Variants in PTBP1 observed in about 807,000 individuals in gnomAD.
PTBP1 encodes polypyrimidine tract-binding protein 1.
A neutral mutation model predicts 59.8 loss-of-function variants in PTBP1; 8 were observed. The ratio of observed to expected loss-of-function variants is 0.13; its 90% CI spans 0.08 to 0.24. The LOEUF is 0.24. Ranked by LOEUF, PTBP1 falls within the 10% of genes least tolerant of loss-of-function variation. The pLI is 1.00. For synonymous variants in PTBP1, 490 were observed against 320.7 expected (o/e 1.53, Z -5.64); for missense variants, 686 against 767.0 (o/e 0.89, Z 1.25).
chr19:800,645 A>ACTGCTGTCTTTAC (rs2034290640), intron 2 of PTBP1, among the ~76,000 whole-genome samples: 1 of 152,170 alleles, frequency 6.6e-6, no homozygotes, highest in Non-Finnish European at 1.5e-5. Context: ...TCCCAAGTGG[A>ACTGCTGTCTTTAC]CTGCTGTCTT....
intron 2 of PTBP1, among the ~76,000 whole-genome samples, chr19:802,459 G>A (rs1363441378): frequency 2.0e-5 from 3 of 151,506 alleles, no homozygotes; most frequent in African/African-American, 4.9e-5. Flanking sequence ...GGTTGTCTGA[G>A]GGGGGACAGG....
chr19:805,627 G>A (rs1383076454), intron 9 of PTBP1, 58 bp downstream of exon 9: 1 of 1,436,242 alleles, frequency 7.0e-7, no homozygotes, highest in Non-Finnish European at 9.8e-7. Context: ...CACCTTCCCA[G>A]GCAGCTCCGC....
At chr19:804,789 G>GC in intron 6 of PTBP1, 40 bp from the exon 7 acceptor site, 1 of 1,607,982 alleles carries the variant, frequency 6.2e-7, no homozygotes, top group Non-Finnish European at 8.5e-7. Flanking sequence ...GGGCTGGTGG[G>GC]CACCGGGCAG....
At position 811,354 on chromosome 19, in the gene PTBP1, C is replaced by T. The variant is rs2034861234; in HGVS notation, c.*528C>T. The stretch of plus-strand genomic sequence containing the variant: ...CAAGTCACGTGATTCTCCCTTCACC[C>T]CGCCCCCAGGGCCTTCCCTTCTGCC... On this transcript the variant is annotated 3_prime_UTR_variant, in exon 15 of 15. Transcript: ENST00000356948. 6.6e-6 allele frequency: 1 copy of T among 152,438 alleles called. No homozygotes were observed. Among genetic ancestry groups the T allele is most frequent in the African/African-American group, 2.4e-5 (1 of 41,444 alleles). 9.4% of individuals were successfully genotyped at this position (152,438 alleles called of 1,614,324 possible). A position where few individuals can be genotyped will look rare whatever the true frequency, so the allele number is the denominator to read the frequency against.
Position 809,818 on chromosome 19 carries a change from TC to T in PTBP1, c.1464-724del, listed in dbSNP as rs1473447580. On this transcript the variant is annotated intron_variant, in intron 13 of 14. Coordinates refer to ENST00000356948, the MANE Select transcript of PTBP1 (RefSeq NM_002819.5). ...GGGAGGTTGAGGTGGGAGGTTCACT[TC>T]GCGCTCAGGAGGTTGAGGTTGCAGT... is the stretch of plus-strand genomic sequence containing the variant. Among the ~76,000 whole-genome samples, 7 of 152,308 alleles carry T rather than the reference TC, an allele frequency of 4.6e-5. 1 individual carries two copies. In the South Asian group the frequency reaches 1.4e-3, roughly 32 times the overall value.
intron 1 of PTBP1, 37 bp from the exon 2 acceptor site, chr19:799,373 GCCA>G: frequency 6.2e-7 from 1 of 1,606,476 alleles, no homozygotes; most frequent in Non-Finnish European, 8.5e-7. Flanking sequence ...CTGCTGAGTG[GCCA>G]CCAGGCTAAC....
At position 810,743 on chromosome 19, in the gene PTBP1, G is replaced by A; in HGVS notation, c.1591G>A (p.Val531Ile). 2 of 1,607,962 alleles carry A rather than the reference G, an allele frequency of 1.2e-6. No homozygotes were observed. Among genetic ancestry groups the A allele is most frequent in the Non-Finnish European group, 1.7e-6 (2 of 1,178,242 alleles). Reference protein sequence around the residue: ...LIQMGSVEEAVQALIDLHNHD... With the variant: ...LIQMGSVEEAIQALIDLHNHD... ...CCAGATGGGCTCCGTGGAGGAGGCG[G>A]TCCAGGCCCTCATTGACCTGCACAA... is the stretch of plus-strand genomic sequence containing the variant. The change falls in exon 15 of 15, where the codon GTC (valine) becomes ATC (isoleucine). Residue 531 changes from valine (V) to isoleucine (I), a missense_variant. Val to Ile is a conservative substitution (Grantham distance 29). Transcript: ENST00000356948.
In PTBP1 at chr19:799,459, T is replaced by C; in HGVS notation, c.39+16T>C. On this transcript the variant is annotated intron_variant, in intron 2 of 14. Transcript: ENST00000356948. The stretch of plus-strand genomic sequence containing the variant: ...TGGTACAAAGGTAGGCACTTCTCAC[T>C]TTGCTTCTCCGTGACGCTCCTCTGA... 6.2e-7 allele frequency: 1 copy of C among 1,613,424 alleles called. No individual in the cohort carries two copies. The highest frequency in any genetic ancestry group is 8.5e-7 in the Non-Finnish European group (1 of 1,179,534).
Position 799,426 on chromosome 19 carries a change from A to G in PTBP1, c.22A>G (p.Ile8Val), listed in dbSNP as rs373436160. The change falls in exon 2 of 15, where the codon ATA becomes GTA. Residue 8 changes from isoleucine (I) to valine (V), a missense_variant. By Grantham distance (29) the Ile-to-Val change is conservative (BLOSUM62 3). Coordinates refer to ENST00000356948, the MANE Select transcript of PTBP1 (RefSeq NM_002819.5). ...TTCTCTCTACAGCATTGTCCCAGAT[A>G]TAGCCGTTGGTACAAAGGTAGGCAC... MDGIVPD[I>V]AVGTKRGSDE... 2 of 1,613,836 alleles carry G rather than the reference A, an allele frequency of 1.2e-6. No individual in the cohort carries two copies. The highest frequency in any genetic ancestry group is 2.7e-5 in the African/African-American group (2 of 74,932).
chr19:804,459 C>T (rs1023946490), intron 5 of PTBP1, 21 bp downstream of exon 5: 3 of 1,605,024 alleles, frequency 1.9e-6, no homozygotes, highest in Non-Finnish European at 2.5e-6. Flanking sequence ...CCGCGGCGGA[C>T]CCCAGCAGCC....
At chr19:797,862 A>G (rs1315501825) in intron 1 of PTBP1, among the ~76,000 whole-genome samples, 4 of 147,330 alleles carry the variant, frequency 2.7e-5, no homozygotes, top group East Asian at 2.0e-4. Context: ...GCGCGCCCGG[A>G]TGGCCCTTCC....
At chr19:805,676 GC>G in intron 9 of PTBP1, 107 bp downstream of exon 9, 1 of 948,134 alleles carries the variant, frequency 1.1e-6, no homozygotes, top group Non-Finnish European at 1.7e-6. Flanking sequence ...GCACTCGAGT[GC>G]CAGGTCAGGG....
At chr19:800,061 G>C (rs1433067537) in intron 2 of PTBP1, among the ~76,000 whole-genome samples, 1 of 151,620 alleles carries the variant, frequency 6.6e-6, no homozygotes, top group African/African-American at 2.4e-5. Flanking sequence ...TGAGTAGCCG[G>C]GATTACAGGT....
chr19:812,038 C>T lies in PTBP1; in HGVS notation c.*1212C>T, dbSNP rs927835065. ...TGTAAATATTTATAATTTTTTATAC[C>T]TGTTGTGAGACCCGAGGGGCGGCGG... On this transcript the variant is annotated 3_prime_UTR_variant, in exon 15 of 15. Transcript: ENST00000356948. The T allele has an allele frequency of 6.6e-6, 1 of 152,302 alleles. No individual in the cohort carries two copies. Among genetic ancestry groups the T allele is most frequent in the African/African-American group, 2.4e-5 (1 of 41,412 alleles). The allele number at this position is 152,302 out of a possible 1,614,324, so 9.4% of individuals were successfully genotyped here.
intron 1 of PTBP1, among the ~76,000 whole-genome samples, chr19:797,818 G>T (rs1441199819): frequency 1.3e-5 from 2 of 148,318 alleles, no homozygotes; most frequent in African/African-American, 4.9e-5. Flanking sequence ...CGCCTCGGCG[G>T]CGCGCGGCCC....
intron 13 of PTBP1, among the ~76,000 whole-genome samples, chr19:810,172 T>C (rs1274140687): frequency 6.6e-6 from 1 of 152,156 alleles, no homozygotes; most frequent in Non-Finnish European, 1.5e-5. Context: ...CCTGGCATGG[T>C]GTTGCGTGCC....
At position 804,660 on chromosome 19, in the gene PTBP1, G is replaced by A. The variant is rs1179726670; in HGVS notation, c.564G>A (p.Val188=). 1.2e-6 allele frequency: 2 copies of A among 1,613,156 alleles called. No individual in the cohort carries two copies. Among genetic ancestry groups the A allele is most frequent in the Non-Finnish European group, 1.7e-6 (2 of 1,179,852 alleles). Residue 188 remains valine, a synonymous_variant, in exon 6 of 15, where the codon GTG becomes GTA. Transcript: ENST00000356948. ...AGAGCCCCGTGCTCAGGATCATCGTGGAGAACCTCTTCTACCCTGTGACCC... is the reference window on the plus strand; with the variant it reads ...AGAGCCCCGTGCTCAGGATCATCGTAGAGAACCTCTTCTACCCTGTGACCC... ...AGQSPVLRII[V]ENLFYPVTLD...
chr19:805,401 C>T, intron 8 of PTBP1, 91 bp from the exon 9 acceptor site: 6 of 1,372,324 alleles, frequency 4.4e-6, no homozygotes, highest in Non-Finnish European at 6.2e-6. Context: ...CCGGGGCCGC[C>T]CGCCGGCCGG....
chr19:803,440 G>T, intron 2 of PTBP1, 121 bp from the exon 3 acceptor site: 1 of 768,306 alleles, frequency 1.3e-6, no homozygotes, highest in South Asian at 1.6e-5. Flanking sequence ...AAGTGTGGGT[G>T]TGGGTATGGG....
Sources: gnomAD v4.1 joint callset for allele counts (sites outside exome capture counted in the v4.1 genomes callset) on GRCh38, gnomAD v4.1.1 for gene constraint, MANE v1.5 for transcripts, NCBI Gene and HGNC (gene_info 2026-07-23, HGNC 2026-07-21) for gene names.